ZNF664: variants seen among roughly 807,000 people sequenced by gnomAD.
ZNF664 encodes the protein zinc finger protein 664.
In ZNF664, 10 loss-of-function variants were observed where a neutral mutation model predicts 18.2. That is an observed-to-expected ratio of 0.55 (90% CI 0.34 to 0.93). The LOEUF (loss-of-function observed/expected upper bound fraction) is 0.93, where lower values mean the gene tolerates loss of function less well. ZNF664 is among the 40% of genes least tolerant of loss of function. ZNF664 has a pLI of 0.02. For missense variants in ZNF664, 193 were observed against 319.0 expected, an observed-to-expected ratio of 0.61 and a Z score of 3.01; for synonymous variants, 119 against 104.2, an observed-to-expected ratio of 1.14 and a Z score of -0.86.
chr12:124,009,885 CTTTT>C (rs11337740), intron 3 of ZNF664, among the ~76,000 whole-genome samples: 2 of 143,760 alleles, frequency 1.4e-5, no homozygotes, highest in Non-Finnish European at 1.5e-5. Flanking sequence ...TATTGTGTAC[CTTTT>C]TTTTTTTTTT....
intron 3 of ZNF664, chr12:123,997,738 G>A (rs1956966508): frequency 6.6e-6 from 1 of 152,198 alleles, no homozygotes; most frequent in Admixed American, 6.5e-5. Flanking sequence ...TATGAATTCT[G>A]GGGAGACACT....
intron 3 of ZNF664, among the ~76,000 whole-genome samples, chr12:124,002,255 A>C (rs1339552128): frequency 6.6e-6 from 1 of 152,180 alleles, no homozygotes; most frequent in South Asian, 2.1e-4. Context: ...GCAAGCTTGA[A>C]GACTAGAAAG....
chr12:123,987,598 A>G (rs760650039), intron 2 of ZNF664, among the ~76,000 whole-genome samples: 5 of 152,204 alleles, frequency 3.3e-5, no homozygotes, highest in African/African-American at 4.8e-5. Context: ...GGGCCAGGAC[A>G]TGAACTCACC....
At position 123,973,926 on chromosome 12, in the gene ZNF664, G is replaced by T; in HGVS notation, c.-851G>T. 2 of 1,231,950 alleles carry T rather than the reference G, an allele frequency of 1.6e-6. No homozygotes were observed. The highest frequency in any genetic ancestry group is 2.0e-6 in the Non-Finnish European group (2 of 988,114). 76.3% of individuals were successfully genotyped at this position (1,231,950 alleles called of 1,614,324 possible). A position where few individuals can be genotyped will look rare whatever the true frequency, so the allele number is the denominator to read the frequency against. On this transcript the variant is annotated 5_prime_UTR_variant, in exon 2 of 5. In the 5' UTR this introduces an upstream ATG that the reference lacks. Transcript: ENST00000337815. Reference sequence around the variant, plus strand: ...GCAGAGGAGGCGAGCATCCCGCTCAGGTGATGAGGAACCCCTCGCGCACCC... The same window carrying T: ...GCAGAGGAGGCGAGCATCCCGCTCATGTGATGAGGAACCCCTCGCGCACCC...
chr12:123,984,405 G>A (rs1387283861), intron 2 of ZNF664, among the ~76,000 whole-genome samples: 1 of 152,150 alleles, frequency 6.6e-6, no homozygotes, highest in African/African-American at 2.4e-5. Flanking sequence ...GGCATGAGTG[G>A]GAAGTGAAGC....
intron 2 of ZNF664, among the ~76,000 whole-genome samples, chr12:123,987,299 G>A (rs560748943): frequency 6.6e-6 from 1 of 152,210 alleles, no homozygotes; most frequent in South Asian, 2.1e-4. Flanking sequence ...TAACTCCCAG[G>A]GGAAAGTGAA....
chr12:124,013,100 C>G lies in ZNF664; in HGVS notation c.*170C>G. ...GTTGGTTCATGCCAAGTGTGTTCCACAGGTTGACTTTGAATGTGGACCTCT... is the reference window on the plus strand; with the variant it reads ...GTTGGTTCATGCCAAGTGTGTTCCAGAGGTTGACTTTGAATGTGGACCTCT... On this transcript the variant is annotated 3_prime_UTR_variant, in exon 5 of 5. Coordinates refer to ENST00000337815, the MANE Select transcript of ZNF664 (RefSeq NM_152437.3). 7.2e-6 allele frequency: 7 copies of G among 968,666 alleles called. No homozygotes were observed. The highest frequency in any genetic ancestry group is 1.1e-5 in the Non-Finnish European group (7 of 665,378). 60.0% of individuals were successfully genotyped at this position (968,666 alleles called of 1,614,324 possible). A position where few individuals can be genotyped will look rare whatever the true frequency, so the allele number is the denominator to read the frequency against.
At position 124,012,231 on chromosome 12, in the gene ZNF664, G is replaced by C; in HGVS notation, c.87G>C (p.Lys29Asn). The change falls in exon 5 of 5, where the codon AAG becomes AAC. Residue 29 changes from lysine (K) to asparagine (N), a missense_variant. Physicochemically the swap from Lys to Asn is moderately conservative, Grantham distance 94. Coordinates refer to ENST00000337815, the MANE Select transcript of ZNF664 (RefSeq NM_152437.3). ...FMHQKIHTAE[K>N]PHKCDKCDKG... ...ATCAGAAAATTCACACAGCTGAGAAGCCCCATAAATGTGACAAGTGTGATA... is the reference window on the plus strand; with the variant it reads ...ATCAGAAAATTCACACAGCTGAGAACCCCCATAAATGTGACAAGTGTGATA... 6.2e-7 allele frequency: 1 copy of C among 1,614,174 alleles called. No homozygotes were observed. Among genetic ancestry groups the C allele is most frequent in the Non-Finnish European group, 8.5e-7 (1 of 1,180,030 alleles).
chr12:123,977,937 A>G (rs1956715442), intron 2 of ZNF664, among the ~76,000 whole-genome samples: 2 of 152,326 alleles, frequency 1.3e-5, no homozygotes, highest in African/African-American at 2.4e-5. Flanking sequence ...TTTACATGCT[A>G]AGGTGGATGG....
intron 1 of ZNF664, 51 bp downstream of exon 1, chr12:123,973,403 G>GCGGGGGC (rs1265172610): frequency 6.2e-6 from 6 of 961,330 alleles, no homozygotes; most frequent in African/African-American, 1.8e-5. Context: ...CCGGAGGGAG[G>GCGGGGGC]CGGGGGCCGG....
In ZNF664 at chr12:124,014,087, AGAT is replaced by A. The variant is rs1337076170; in HGVS notation, c.*1161_*1163del. The stretch of plus-strand genomic sequence containing the variant: ...GGAGTTTACTTCTGGTGGAGGAGAC[AGAT>A]GATAAGTAAACAAATAAATAATGTA... On this transcript the variant is annotated 3_prime_UTR_variant, in exon 5 of 5. Coordinates refer to ENST00000337815, the MANE Select transcript of ZNF664 (RefSeq NM_152437.3). 2 of 166,502 alleles carry A rather than the reference AGAT, an allele frequency of 1.2e-5. No individual in the cohort carries two copies. Among genetic ancestry groups the A allele is most frequent in the African/African-American group, 2.4e-5 (1 of 41,342 alleles). 10.3% of individuals were successfully genotyped at this position (166,502 alleles called of 1,614,324 possible).
intron 2 of ZNF664, among the ~76,000 whole-genome samples, chr12:123,986,125 G>A (rs1245733884): frequency 6.6e-6 from 1 of 152,092 alleles, no homozygotes; most frequent in East Asian, 1.9e-4. Context: ...GGGGGCTGGA[G>A]GGGGTGGGCT....
At chr12:124,007,410 G>GCT (rs895979870) in intron 3 of ZNF664, among the ~76,000 whole-genome samples, 7 of 152,210 alleles carry the variant, frequency 4.6e-5, no homozygotes, top group African/African-American at 1.7e-4. Context: ...AGACACCCCT[G>GCT]CTGGGGTTAG....
Position 124,013,027 on chromosome 12 carries a change from A to T in ZNF664, c.*97A>T. ...CATTGACCCAAGAAATATTTACGCA[A>T]TCCCTAGCAGAACATTGTTTCTGAG... is the stretch of plus-strand genomic sequence containing the variant. On this transcript the variant is annotated 3_prime_UTR_variant, in exon 5 of 5. Transcript: ENST00000337815. The T allele has an allele frequency of 7.2e-7, 1 of 1,391,218 alleles. No individual in the cohort carries two copies. Among genetic ancestry groups the T allele is most frequent in the Non-Finnish European group, 9.7e-7 (1 of 1,036,182 alleles). 86.2% of individuals were successfully genotyped at this position (1,391,218 alleles called of 1,614,324 possible). A position where few individuals can be genotyped will look rare whatever the true frequency, so the allele number is the denominator to read the frequency against.
chr12:123,978,189 A>G lies in ZNF664; in HGVS notation c.-757+4169A>G, dbSNP rs551259193. The stretch of plus-strand genomic sequence containing the variant: ...AAGGGAAAAAAAAAACCCGAATCAT[A>G]AAGTGGAAAATATTTGTGGCAAATG... On this transcript the variant is annotated intron_variant, in intron 2 of 4. Transcript: ENST00000337815. 4.6e-5 allele frequency among the ~76,000 whole-genome samples: 7 copies of G among 152,308 alleles called. No individual in the cohort carries two copies. In the South Asian group the frequency reaches 1.0e-3, roughly 23 times the overall value.
At chr12:123,982,946 GGA>G (rs1956783628) in intron 2 of ZNF664, among the ~76,000 whole-genome samples, 1 of 152,152 alleles carries the variant, frequency 6.6e-6, no homozygotes, top group Non-Finnish European at 1.5e-5. Context: ...CTTGAGGCTG[GGA>G]GTTTGAGACC....
Position 123,988,044 on chromosome 12 carries a change from A to G in ZNF664, c.-755A>G, listed in dbSNP as rs1238391092. On this transcript the variant is annotated splice_region_variant and 5_prime_UTR_variant, in exon 3 of 5. Coordinates refer to ENST00000337815, the MANE Select transcript of ZNF664 (RefSeq NM_152437.3). ...TCTCTTTGCATTTCTCCCATCCAGC[A>G]GGATCCTAAGGCCTTTGTAGTCCTT... The G allele has an allele frequency of 4.9e-6, 6 of 1,231,372 alleles. No homozygotes were observed. In the East Asian group the frequency reaches 1.6e-4, roughly 32 times the overall value. The allele number at this position is 1,231,372 out of a possible 1,614,324, so 76.3% of individuals were successfully genotyped here.
intron 2 of ZNF664, among the ~76,000 whole-genome samples, chr12:123,986,369 C>G (rs1218039671): frequency 1.3e-5 from 2 of 152,190 alleles, no homozygotes; most frequent in East Asian, 3.8e-4. Context: ...TGAGGTCTCT[C>G]ACGGCATCAC....
intron 3 of ZNF664, among the ~76,000 whole-genome samples, chr12:123,993,541 T>G (rs186061445): frequency 5.3e-4 from 81 of 152,284 alleles, no homozygotes; most frequent in African/African-American, 1.9e-3. Context: ...TAGACTACAC[T>G]TTTCTAAAGG....
Sources: gnomAD v4.1 joint callset for allele counts (sites outside exome capture counted in the v4.1 genomes callset) on GRCh38, gnomAD v4.1.1 for gene constraint, MANE v1.5 for transcripts, NCBI Gene and HGNC (gene_info 2026-07-23, HGNC 2026-07-21) for gene names.